Variants in LPP observed in about 807,000 individuals in gnomAD.
The protein encoded by LPP is LIM domain containing preferred translocation partner in lipoma, also known as lipoma-preferred partner.
In LPP, 38 loss-of-function variants were observed where a neutral mutation model predicts 60.4. The ratio of observed to expected loss-of-function variants is 0.63; its 90% confidence interval spans 0.49 to 0.83. The LOEUF is 0.83. Among genes scored for constraint, LPP ranks in the 40% least tolerant of loss-of-function variants. The probability of loss-of-function intolerance (pLI) is 0.00; values close to 1 mark genes in which losing one functional copy is unlikely to be tolerated. For synonymous variants in LPP, 328 were observed against 290.8 expected, an observed-to-expected ratio of 1.13 and a Z score of -1.30; for missense variants, 902 against 783.6, an observed-to-expected ratio of 1.15 and a Z score of -1.80.
chr3:188,718,125 C>T (rs1714837173), intron 8 of LPP, among the ~76,000 whole-genome samples: 1 of 152,114 alleles, frequency 6.6e-6, no homozygotes, highest in African/African-American at 2.4e-5. Flanking sequence ...CCCGGCCTGG[C>T]TAATGTGTTT....
chr3:188,249,028 G>A (rs1407209950), intron 2 of LPP, among the ~76,000 whole-genome samples: 2 of 152,158 alleles, frequency 1.3e-5, no homozygotes, highest in East Asian at 1.9e-4. Flanking sequence ...TCTTGGACAT[G>A]TGAGGTGTTT....
At chr3:188,300,130 A>G (rs1749277778) in intron 2 of LPP, among the ~76,000 whole-genome samples, 1 of 152,212 alleles carries the variant, frequency 6.6e-6, no homozygotes, top group Non-Finnish European at 1.5e-5. Context: ...TCCATCATCC[A>G]GGGACATCAT....
In LPP at chr3:188,355,317, G is replaced by A. The variant is rs557909121; in HGVS notation, c.-10+13598G>A. Among the ~76,000 whole-genome samples the A allele has an allele frequency of 2.6e-5, 4 of 152,254 alleles. No individual in the cohort carries two copies. In the South Asian group the frequency reaches 8.3e-4, roughly 32 times the overall value. ...CCACCGCGCCTGGCTAGAAAGAAGA[G>A]ACATTTTATGTATGATCGTCATAAT... is the stretch of plus-strand genomic sequence containing the variant. On this transcript the variant is annotated intron_variant, in intron 3 of 11. Coordinates refer to ENST00000617246, the MANE Select transcript of LPP (RefSeq NM_001375462.1).
intron 3 of LPP, among the ~76,000 whole-genome samples, chr3:188,375,304 CT>C (rs1286126883): frequency 6.6e-6 from 1 of 152,170 alleles, no homozygotes; most frequent in East Asian, 1.9e-4. Context: ...CTTTGCACCT[CT>C]GGTAGAATTC....
At chr3:188,583,813 T>G (rs1836814532) in intron 6 of LPP, among the ~76,000 whole-genome samples, 1 of 152,204 alleles carries the variant, frequency 6.6e-6, no homozygotes, top group Non-Finnish European at 1.5e-5. Context: ...AGAATTTTCT[T>G]ACCTCTGTAA....
intron 4 of LPP, among the ~76,000 whole-genome samples, chr3:188,478,635 C>T (rs1224453519): frequency 6.6e-6 from 1 of 151,918 alleles, no homozygotes; most frequent in Non-Finnish European, 1.5e-5. Context: ...AATTGCCTTG[C>T]CTGAAATAAA....
At chr3:188,648,672 A>G (rs1851539190) in intron 7 of LPP, among the ~76,000 whole-genome samples, 1 of 152,160 alleles carries the variant, frequency 6.6e-6, no homozygotes. Flanking sequence ...TTTTAAATAA[A>G]TAGTACCCTC....
At chr3:188,566,842 G>A (rs1455865086) in intron 6 of LPP, among the ~76,000 whole-genome samples, 3 of 151,640 alleles carry the variant, frequency 2.0e-5, no homozygotes, top group East Asian at 1.9e-4. Flanking sequence ...TAAGGAGATC[G>A]AAAAACAAAT....
At chr3:188,813,132 T>C (rs1339294947) in intron 9 of LPP, among the ~76,000 whole-genome samples, 1 of 152,150 alleles carries the variant, frequency 6.6e-6, no homozygotes, top group Admixed American at 6.5e-5. Flanking sequence ...GACAGACACA[T>C]ATAGAATTTA....
At chr3:188,363,093 G>A (rs1332789208) in intron 3 of LPP, among the ~76,000 whole-genome samples, 2 of 151,670 alleles carry the variant, frequency 1.3e-5, no homozygotes, top group African/African-American at 4.9e-5. Flanking sequence ...GATTAGCAGG[G>A]CATGAAATTA....
intron 3 of LPP, among the ~76,000 whole-genome samples, chr3:188,342,657 C>T (rs1763353817): frequency 1.3e-5 from 2 of 152,120 alleles, no homozygotes; most frequent in Non-Finnish European, 2.9e-5. Flanking sequence ...TCTATGACCT[C>T]GAACTGCAAC....
intron 2 of LPP, chr3:188,240,299 AACAAGGTT>A: frequency 6.0e-6 from 1 of 168,046 alleles, no homozygotes; most frequent in East Asian, 1.2e-4. Context: ...CAGCTTGCCT[AACAAGGTT>A]GTTGACTGCA....
chr3:188,758,442 T>C (rs764916557), intron 8 of LPP, among the ~76,000 whole-genome samples: 1 of 152,178 alleles, frequency 6.6e-6, no homozygotes, highest in Non-Finnish European at 1.5e-5. Flanking sequence ...ATTGAAGACA[T>C]GAGCCACTGC....
chr3:188,559,220 A>T (rs1280284520), intron 6 of LPP, among the ~76,000 whole-genome samples: 1 of 152,082 alleles, frequency 6.6e-6, no homozygotes, highest in African/African-American at 2.4e-5. Context: ...ATATGACTCA[A>T]CCTTCAGCTG....
chr3:188,741,037 T>A (rs1319737337), intron 8 of LPP, among the ~76,000 whole-genome samples: 1 of 151,952 alleles, frequency 6.6e-6, no homozygotes, highest in Non-Finnish European at 1.5e-5. Flanking sequence ...CATCAGTGTG[T>A]TTCACTGATA....
chr3:188,739,712 A>G (rs1480733158), intron 8 of LPP, among the ~76,000 whole-genome samples: 1 of 152,042 alleles, frequency 6.6e-6, no homozygotes, highest in Non-Finnish European at 1.5e-5. Context: ...CTGCATGGAT[A>G]TAACTGTGTT....
intron 8 of LPP, among the ~76,000 whole-genome samples, chr3:188,754,710 G>A (rs188147382): frequency 1.7e-4 from 26 of 152,134 alleles, no homozygotes; most frequent in African/African-American, 6.0e-4. Flanking sequence ...GCAAGATTGA[G>A]AGTCACTGTC....
intron 9 of LPP, among the ~76,000 whole-genome samples, chr3:188,863,442 A>G (rs1274853769): frequency 6.6e-6 from 1 of 152,062 alleles, no homozygotes; most frequent in African/African-American, 2.4e-5. Context: ...GCTCTCCACA[A>G]CTCAGGTCCA....
chr3:188,207,180 C>T (rs2149164789), intron 1 of LPP, among the ~76,000 whole-genome samples: 1 of 150,160 alleles, frequency 6.7e-6, no homozygotes, highest in South Asian at 2.1e-4. Flanking sequence ...TATCCATCTG[C>T]CCACTTCTCT....
Sources: gnomAD v4.1 joint callset for allele counts (sites outside exome capture counted in the v4.1 genomes callset) on GRCh38, gnomAD v4.1.1 for gene constraint, MANE v1.5 for transcripts, NCBI Gene and HGNC (gene_info 2026-07-23, HGNC 2026-07-21) for gene names.